Variants in SMOC1 observed in about 807,000 individuals in gnomAD.
SMOC1 encodes SPARC-related modular calcium-binding protein 1.
A neutral mutation model predicts 56.3 loss-of-function variants in SMOC1; 22 were observed. The observed-to-expected ratio is 0.39, with a 90% CI of 0.28 to 0.56. The LOEUF is 0.56. SMOC1 is among the 20% of genes least tolerant of loss of function. The pLI is 0.61. For missense variants in SMOC1, 509 were observed against 565.4 expected, an observed-to-expected ratio of 0.90 and a Z score of 1.01; for synonymous variants, 193 against 215.0, an observed-to-expected ratio of 0.90 and a Z score of 0.89.
intron 5 of SMOC1, among the ~76,000 whole-genome samples, chr14:69,983,795 G>A (rs1884267053): frequency 6.6e-6 from 1 of 152,232 alleles, no homozygotes; most frequent in Admixed American, 6.5e-5. Context: ...ACAGCAGCTT[G>A]CAGAGAGGTA....
Position 69,975,940 on chromosome 14 carries a change from A to G in SMOC1, c.478+126A>G, listed in dbSNP as rs558046318. 3.5e-4 allele frequency: 246 copies of G among 710,686 alleles called. 4 individuals carry two copies. In the South Asian group the frequency reaches 3.6e-3, roughly 11 times the overall value. The allele number at this position is 710,686 out of a possible 1,614,324, so 44.0% of individuals were successfully genotyped here. A position where few individuals can be genotyped will look rare whatever the true frequency, so the allele number is the denominator to read the frequency against. On this transcript the variant is annotated intron_variant, in intron 4 of 11. Coordinates refer to ENST00000361956, the MANE Select transcript of SMOC1 (RefSeq NM_001034852.3). The stretch of plus-strand genomic sequence containing the variant: ...TGATGAACCTTTTTCTAGATCAGGG[A>G]GGATTCTACTCTAACATGCTTGCTC...
chr14:69,969,231 G>A (rs573885813), intron 3 of SMOC1, among the ~76,000 whole-genome samples: 2 of 152,296 alleles, frequency 1.3e-5, no homozygotes, highest in South Asian at 2.1e-4. Context: ...AAAAGTTAGG[G>A]GAGGGTCCCT....
chr14:69,921,229 G>T (rs1193736893), intron 1 of SMOC1, among the ~76,000 whole-genome samples: 1 of 152,210 alleles, frequency 6.6e-6, no homozygotes, highest in South Asian at 2.1e-4. Context: ...CCCCAGCGCC[G>T]CAGACTTCTG....
chr14:70,020,507 C>G, intron 10 of SMOC1, among the ~76,000 whole-genome samples: 1 of 152,154 alleles, frequency 6.6e-6, no homozygotes, highest in African/African-American at 2.4e-5. Flanking sequence ...AGGAAGGCAA[C>G]AGGACCCTCG....
chr14:69,879,897 C>T, intron 1 of SMOC1, 120 bp downstream of exon 1: 1 of 862,114 alleles, frequency 1.2e-6, no homozygotes, highest in Non-Finnish European at 1.7e-6. Context: ...CCTCTGTCTA[C>T]TACCAGGTCC....
intron 1 of SMOC1, among the ~76,000 whole-genome samples, chr14:69,881,073 G>A (rs1883624289): frequency 6.6e-6 from 1 of 152,210 alleles, no homozygotes; most frequent in African/African-American, 2.4e-5. Context: ...AACAGCAGCA[G>A]TTAAAGTGTG....
chr14:69,961,316 A>ATATATC (rs1555361596), intron 3 of SMOC1, among the ~76,000 whole-genome samples: 2 of 112,926 alleles, frequency 1.8e-5, no homozygotes, highest in South Asian at 2.7e-4. Flanking sequence ...ATATATATAT[A>ATATATC]TATCCTGTTT....
At chr14:69,970,140 GA>G (rs1221881764) in intron 3 of SMOC1, among the ~76,000 whole-genome samples, 1 of 152,180 alleles carries the variant, frequency 6.6e-6, no homozygotes, top group Non-Finnish European at 1.5e-5. Flanking sequence ...TGCTACTCCA[GA>G]AAAGGCCTCT....
chr14:69,988,381 C>T (rs949777310), intron 5 of SMOC1, among the ~76,000 whole-genome samples: 4 of 151,360 alleles, frequency 2.6e-5, no homozygotes, highest in African/African-American at 4.9e-5. Flanking sequence ...AAAAGAATCA[C>T]GAAGAATATA....
chr14:70,030,466 G>A lies in SMOC1; in HGVS notation c.*208G>A. 1 of 496,802 alleles carries A rather than the reference G, an allele frequency of 2.0e-6. No homozygotes were observed. Among genetic ancestry groups the A allele is most frequent in the Non-Finnish European group, 3.5e-6 (1 of 282,798 alleles). The allele number at this position is 496,802 out of a possible 1,614,324, so 30.8% of individuals were successfully genotyped here. The stretch of plus-strand genomic sequence containing the variant: ...AATATCTAATACCACAGTGGGAAAA[G>A]GAAAGGGAAGAAAGACTTTATTCTC... On this transcript the variant is annotated 3_prime_UTR_variant, in exon 12 of 12. Coordinates refer to ENST00000361956, the MANE Select transcript of SMOC1 (RefSeq NM_001034852.3).
chr14:69,920,560 C>G (rs1884810596), intron 1 of SMOC1, among the ~76,000 whole-genome samples: 1 of 152,228 alleles, frequency 6.6e-6, no homozygotes, highest in Non-Finnish European at 1.5e-5. Context: ...AACATTCCTT[C>G]AGCACACTTA....
chr14:69,982,563 C>G (rs1884217817), intron 5 of SMOC1, among the ~76,000 whole-genome samples: 1 of 152,204 alleles, frequency 6.6e-6, no homozygotes, highest in African/African-American at 2.4e-5. Flanking sequence ...AGCCTCAGCC[C>G]TCATAAGGTG....
At chr14:69,884,781 T>C (rs1186570156) in intron 1 of SMOC1, among the ~76,000 whole-genome samples, 1 of 152,174 alleles carries the variant, frequency 6.6e-6, no homozygotes, top group Non-Finnish European at 1.5e-5. Context: ...TTCTGTTCCA[T>C]TGGTCTATGT....
intron 11 of SMOC1, among the ~76,000 whole-genome samples, chr14:70,029,869 A>C (rs1594865327): frequency 1.3e-5 from 2 of 149,878 alleles, no homozygotes; most frequent in African/African-American, 4.9e-5. Flanking sequence ...CTGTAAACAA[A>C]CCCCTGTCGT....
chr14:70,011,520 C>G lies in SMOC1; in HGVS notation c.893C>G (p.Ala298Gly). The G allele has an allele frequency of 6.4e-7, 1 of 1,574,382 alleles. No individual in the cohort carries two copies. Among genetic ancestry groups the G allele is most frequent in the Non-Finnish European group, 8.6e-7 (1 of 1,156,548 alleles). ...VMPSCESDAR[A>G]KTTEADDPFK... ...CCCAGTTGTGAGAGCGACGCCAGGG[C>G]CAAGACTACAGAGGCGGATGACCCC... The change falls in exon 9 of 12, where the codon GCC becomes GGC. Residue 298 changes from alanine (A) to glycine (G), a missense_variant. Around this residue, in one of 3 missense-constraint regions of SMOC1, gnomAD observed 176 missense variants for 188.1 expected, o/e 0.94. Coordinates refer to ENST00000361956, the MANE Select transcript of SMOC1 (RefSeq NM_001034852.3).
intron 5 of SMOC1, among the ~76,000 whole-genome samples, chr14:69,982,547 C>A (rs924382619): frequency 6.6e-6 from 1 of 152,158 alleles, no homozygotes; most frequent in Admixed American, 6.5e-5. Flanking sequence ...GACTGGGTGG[C>A]CCCCCAGCCT....
chr14:69,881,353 A>G (rs938747444), intron 1 of SMOC1, among the ~76,000 whole-genome samples: 22 of 152,134 alleles, frequency 1.4e-4, no homozygotes, highest in Admixed American at 1.2e-3. Context: ...GAGGGTCGAA[A>G]GGAGAGAGGC....
At chr14:69,980,289 C>CT (rs777337932) in intron 5 of SMOC1, among the ~76,000 whole-genome samples, 1 of 152,272 alleles carries the variant, frequency 6.6e-6, no homozygotes, top group East Asian at 1.9e-4. Flanking sequence ...TCTCAGTTCC[C>CT]AGCTCTTTAC....
chr14:70,017,314 T>C (rs1885553466), intron 10 of SMOC1, among the ~76,000 whole-genome samples: 1 of 152,194 alleles, frequency 6.6e-6, no homozygotes, highest in Non-Finnish European at 1.5e-5. Flanking sequence ...AGACAGACCC[T>C]GGCCAGTTGT....
Sources: allele counts gnomAD v4.1 joint callset (sites outside exome capture counted in the v4.1 genomes callset), GRCh38; gene constraint gnomAD v4.1.1; regional missense constraint gnomAD v4.1.1; transcripts MANE v1.5; gene names NCBI Gene and HGNC (gene_info 2026-07-23, HGNC 2026-07-21).